SH3RF2: variants seen among roughly 807,000 people sequenced by gnomAD.
The protein encoded by SH3RF2 is E3 ubiquitin-protein ligase SH3RF2.
A neutral mutation model predicts 59.0 loss-of-function variants in SH3RF2; 43 were observed. That is an observed-to-expected ratio of 0.73 (90% CI 0.57 to 0.94). The LOEUF is 0.94. SH3RF2 is among the 40% of genes least tolerant of loss of function. SH3RF2 has a pLI of 0.00. For missense variants in SH3RF2, 930 were observed against 940.1 expected (o/e 0.99, Z 0.14); for synonymous variants, 391 against 391.5 (o/e 1.00, Z 0.01).
intron 5 of SH3RF2, among the ~76,000 whole-genome samples, chr5:146,022,422 T>C (rs1441831664): frequency 6.6e-6 from 1 of 152,186 alleles, no homozygotes; most frequent in Non-Finnish European, 1.5e-5. Context: ...TGGCCAGGTT[T>C]GTCTTAAACT....
chr5:145,976,456 A>C (rs74573864), intron 2 of SH3RF2, among the ~76,000 whole-genome samples: 1 of 151,612 alleles, frequency 6.6e-6, no homozygotes, highest in African/African-American at 2.4e-5. Context: ...AAAAAAAAAA[A>C]GGTGGGGGGC....
chr5:146,076,635 T>TCG (rs1763346815), intron 9 of SH3RF2, among the ~76,000 whole-genome samples: 3 of 152,196 alleles, frequency 2.0e-5, no homozygotes, highest in Non-Finnish European at 2.9e-5. Context: ...CTCTGACAGC[T>TCG]CTTACTTGCT....
Position 146,062,842 on chromosome 5 carries a change from A to C in SH3RF2, c.*141A>C. ...CCTATTTCACCTCCAGGAAAGCAAA[A>C]GTGGGAGCAGAAATTCCTGCCCTGG... On this transcript the variant is annotated 3_prime_UTR_variant, in exon 10 of 10. Coordinates refer to ENST00000359120, the MANE Select transcript of SH3RF2 (RefSeq NM_152550.4). The C allele has an allele frequency of 8.3e-7, 1 of 1,203,124 alleles. No homozygotes were observed. Among genetic ancestry groups the C allele is most frequent in the Admixed American group, 2.8e-5 (1 of 35,296 alleles). 74.5% of individuals were successfully genotyped at this position (1,203,124 alleles called of 1,614,324 possible).
intron 2 of SH3RF2, among the ~76,000 whole-genome samples, chr5:145,964,991 G>A (rs777864849): frequency 3.3e-5 from 5 of 152,036 alleles, no homozygotes; most frequent in Admixed American, 6.6e-5. Flanking sequence ...TCAGGAGTTC[G>A]AGACTAGCCT....
chr5:146,070,211 C>T (rs1763203602), intron 9 of SH3RF2, among the ~76,000 whole-genome samples: 1 of 152,130 alleles, frequency 6.6e-6, no homozygotes, highest in Non-Finnish European at 1.5e-5. Context: ...GGACTCTAAG[C>T]CAAAACCTTA....
At chr5:146,003,857 C>T (rs1350448735) in intron 3 of SH3RF2, among the ~76,000 whole-genome samples, 1 of 152,190 alleles carries the variant, frequency 6.6e-6, no homozygotes, top group East Asian at 1.9e-4. Context: ...CAAATTATGT[C>T]TACCCCTCTA....
intron 5 of SH3RF2, among the ~76,000 whole-genome samples, chr5:146,036,518 A>T (rs1241559145): frequency 6.6e-6 from 1 of 152,018 alleles, no homozygotes. Flanking sequence ...AACATGGCAA[A>T]TCCCCATTTC....
intron 2 of SH3RF2, among the ~76,000 whole-genome samples, chr5:145,943,381 C>T (rs1457971447): frequency 6.6e-6 from 1 of 152,152 alleles, no homozygotes; most frequent in Non-Finnish European, 1.5e-5. Context: ...GGTGATAGAA[C>T]TGTTACATAT....
chr5:145,943,270 G>C (rs1757888475), intron 2 of SH3RF2, among the ~76,000 whole-genome samples: 1 of 151,034 alleles, frequency 6.6e-6, no homozygotes, highest in South Asian at 2.1e-4. Flanking sequence ...CAAAAGGAAA[G>C]GGAGTTCTCA....
chr5:146,059,616 C>G (rs1485493761), intron 8 of SH3RF2, among the ~76,000 whole-genome samples: 2 of 151,896 alleles, frequency 1.3e-5, no homozygotes, highest in African/African-American at 2.4e-5. Flanking sequence ...CTGACAGCCC[C>G]CCTACACACA....
At chr5:146,031,532 T>C (rs1761742149) in intron 5 of SH3RF2, among the ~76,000 whole-genome samples, 2 of 152,186 alleles carry the variant, frequency 1.3e-5, no homozygotes, top group South Asian at 4.1e-4. Context: ...GAAATAAGTA[T>C]GTAAGTGAAT....
chr5:146,016,930 G>A (rs1211169834), intron 5 of SH3RF2, among the ~76,000 whole-genome samples: 1 of 152,118 alleles, frequency 6.6e-6, no homozygotes, highest in African/African-American at 2.4e-5. Flanking sequence ...CATTGTGTAT[G>A]GTGCTGATGG....
chr5:146,025,211 T>A (rs1761484361), intron 5 of SH3RF2, among the ~76,000 whole-genome samples: 1 of 152,288 alleles, frequency 6.6e-6, no homozygotes, highest in African/African-American at 2.4e-5. Context: ...CTCTCTCATT[T>A]GTTCCTGGGC....
chr5:145,968,369 A>T (rs1054763737), intron 2 of SH3RF2, among the ~76,000 whole-genome samples: 4 of 152,222 alleles, frequency 2.6e-5, no homozygotes, highest in East Asian at 1.9e-4. Context: ...GTCATTTTTT[A>T]AAATGAGTTA....
chr5:146,061,182 T>G (rs2150023091), intron 9 of SH3RF2, among the ~76,000 whole-genome samples: 1 of 152,226 alleles, frequency 6.6e-6, no homozygotes, highest in East Asian at 1.9e-4. Context: ...ACAACAACCC[T>G]CTCAAATAGG....
chr5:146,062,328 A>C, intron 9 of SH3RF2, 98 bp from the exon 10 acceptor site: 1 of 1,445,324 alleles, frequency 6.9e-7, no homozygotes, highest in Non-Finnish European at 9.5e-7. Flanking sequence ...ATATTTGCAG[A>C]ATGAACACAT....
chr5:146,076,462 G>A (rs1258228314), intron 9 of SH3RF2, among the ~76,000 whole-genome samples: 1 of 152,118 alleles, frequency 6.6e-6, no homozygotes, highest in East Asian at 1.9e-4. Flanking sequence ...GCTAAAATTG[G>A]TAAATAACAA....
intron 2 of SH3RF2, 29 bp downstream of exon 2, chr5:145,938,335 T>C (rs776498904): frequency 1.4e-5 from 21 of 1,507,274 alleles, no homozygotes; most frequent in Non-Finnish European, 1.9e-5. Flanking sequence ...GCTAATATCA[T>C]GTCCACATAG....
At chr5:146,004,735 A>T (rs2149986834) in intron 4 of SH3RF2, among the ~76,000 whole-genome samples, 1 of 152,188 alleles carries the variant, frequency 6.6e-6, no homozygotes, top group East Asian at 1.9e-4. Context: ...AATATTTAAT[A>T]TCATAAAATG....
Sources: gnomAD v4.1 joint callset for allele counts (sites outside exome capture counted in the v4.1 genomes callset) on GRCh38, gnomAD v4.1.1 for gene constraint, MANE v1.5 for transcripts, NCBI Gene and HGNC (gene_info 2026-07-23, HGNC 2026-07-21) for gene names.